The following DLGAP2 variants were observed in gnomAD, a reference collection of about 807,000 sequenced individuals.
DLGAP2 encodes disks large-associated protein 2.
DLGAP2 carries 26 observed loss-of-function variants against 100.3 expected under a neutral mutation model. The observed-to-expected ratio is 0.26, with a 90% CI of 0.19 to 0.36. DLGAP2 has a LOEUF of 0.36. Ranked by LOEUF, DLGAP2 falls within the 10% of genes least tolerant of loss-of-function variation. The pLI, the probability that DLGAP2 is intolerant of heterozygous loss-of-function variation, is 1.00. For missense variants in DLGAP2, 1,858 were observed against 1,453.2 expected, an observed-to-expected ratio of 1.28 and a Z score of -4.53; for synonymous variants, 886 against 630.1, an observed-to-expected ratio of 1.41 and a Z score of -6.08.
chr8:1,407,817 T>A (rs1418728682), intron 3 of DLGAP2, among the ~76,000 whole-genome samples: 21 of 149,720 alleles, frequency 1.4e-4, no homozygotes, highest in African/African-American at 5.1e-4. Flanking sequence ...ATTGAGTGCT[T>A]ACTGAGCGCC....
At chr8:877,977 C>G (rs1411653424) in intron 1 of DLGAP2, among the ~76,000 whole-genome samples, 1 of 152,178 alleles carries the variant, frequency 6.6e-6, no homozygotes, top group African/African-American at 2.4e-5. Context: ...GTACTTGTCT[C>G]CCTGAATTTT....
chr8:1,221,025 G>A (rs180953448), intron 2 of DLGAP2, among the ~76,000 whole-genome samples: 16 of 152,250 alleles, frequency 1.1e-4, no homozygotes, highest in Non-Finnish European at 1.5e-4. Context: ...TGAAGACAGC[G>A]TACAGTTGAG....
At chr8:1,656,754 C>T (rs1798294165) in intron 8 of DLGAP2, among the ~76,000 whole-genome samples, 1 of 152,196 alleles carries the variant, frequency 6.6e-6, no homozygotes, top group African/African-American at 2.4e-5. Flanking sequence ...ATGTGTGGCT[C>T]TCTCCATCCT....
intron 1 of DLGAP2, among the ~76,000 whole-genome samples, chr8:832,281 C>G (rs1796797845): frequency 6.6e-6 from 1 of 152,190 alleles, no homozygotes; most frequent in Non-Finnish European, 1.5e-5. Flanking sequence ...GTCATGACGT[C>G]CTTGCCCATG....
intron 2 of DLGAP2, among the ~76,000 whole-genome samples, chr8:1,222,294 G>A (rs549732619): frequency 7.4e-4 from 113 of 152,268 alleles, no homozygotes; most frequent in African/African-American, 2.7e-3. Flanking sequence ...GAGTTTGACT[G>A]TGGTATAAGC....
intron 2 of DLGAP2, among the ~76,000 whole-genome samples, chr8:1,091,275 C>A (rs1804172523): frequency 6.6e-6 from 1 of 152,204 alleles, no homozygotes. Context: ...GAAGGTGAGG[C>A]CTGTGAGGAT....
At chr8:1,551,211 G>A (rs766827233) in intron 5 of DLGAP2, among the ~76,000 whole-genome samples, 9 of 152,236 alleles carry the variant, frequency 5.9e-5, no homozygotes, top group South Asian at 2.1e-4. Context: ...TTTGTTTGCC[G>A]TCGGCAAACC....
At chr8:1,287,992 G>T (rs1449595383) in intron 3 of DLGAP2, among the ~76,000 whole-genome samples, 1 of 48,406 alleles carries the variant, frequency 2.1e-5, no homozygotes, top group Non-Finnish European at 3.7e-5. Flanking sequence ...TTGAGTGTGT[G>T]TGTGTTTGTG....
intron 2 of DLGAP2, among the ~76,000 whole-genome samples, chr8:949,559 C>G (rs759304583): frequency 1.9e-4 from 29 of 152,160 alleles, no homozygotes; most frequent in Admixed American, 7.2e-4. Context: ...GGGGCAGGAC[C>G]CCACACGTGG....
chr8:1,465,599 G>T (rs531506875), intron 3 of DLGAP2, among the ~76,000 whole-genome samples: 9 of 152,188 alleles, frequency 5.9e-5, no homozygotes, highest in Non-Finnish European at 1.0e-4. Flanking sequence ...GAACCTCCAC[G>T]GGTTCAGGTG....
At chr8:1,059,056 C>G (rs1460043483) in intron 2 of DLGAP2, among the ~76,000 whole-genome samples, 1 of 152,190 alleles carries the variant, frequency 6.6e-6, no homozygotes, top group Non-Finnish European at 1.5e-5. Context: ...TCCAGGGCTC[C>G]CCCCATGTGT....
At chr8:1,583,578 A>G (rs1796017947) in intron 6 of DLGAP2, among the ~76,000 whole-genome samples, 1 of 152,190 alleles carries the variant, frequency 6.6e-6, no homozygotes, top group South Asian at 2.1e-4. Context: ...TGCAGAATCC[A>G]TCTAGAAAGA....
intron 2 of DLGAP2, among the ~76,000 whole-genome samples, chr8:1,046,196 T>C (rs1261176553): frequency 3.9e-5 from 6 of 152,202 alleles, no homozygotes; most frequent in African/African-American, 1.4e-4. Context: ...ATCACTTTTA[T>C]TTTCCTACTG....
chr8:1,522,293 G>A (rs536038032), intron 4 of DLGAP2, among the ~76,000 whole-genome samples: 56 of 152,316 alleles, frequency 3.7e-4, no homozygotes, highest in African/African-American at 1.3e-3. Context: ...GTTTCTTCAA[G>A]CTGTGTCTTC....
chr8:1,486,763 C>T (rs1799245658), intron 3 of DLGAP2, among the ~76,000 whole-genome samples: 1 of 152,202 alleles, frequency 6.6e-6, no homozygotes, highest in South Asian at 2.1e-4. Context: ...AAATATACTG[C>T]CAGTGGAGCT....
intron 1 of DLGAP2, among the ~76,000 whole-genome samples, chr8:886,403 C>T (rs1319596192): frequency 1.3e-5 from 2 of 151,950 alleles, no homozygotes; most frequent in Non-Finnish European, 2.9e-5. Flanking sequence ...TATTTCTTGT[C>T]TTCTGCTAGC....
intron 13 of DLGAP2, 109 bp downstream of exon 13, chr8:1,691,735 G>T: frequency 1.0e-6 from 1 of 971,308 alleles, no homozygotes; most frequent in Non-Finnish European, 1.6e-6. Context: ...TCGGTATGCG[G>T]AATATCACGT....
chr8:803,316 A>G (rs1253180767), intron 1 of DLGAP2, among the ~76,000 whole-genome samples: 2 of 152,108 alleles, frequency 1.3e-5, no homozygotes, highest in Non-Finnish European at 2.9e-5. Context: ...ATTATAGTAT[A>G]TTCCTTATAT....
Position 1,269,093 on chromosome 8 carries a change from G to C in DLGAP2, c.106+10210G>C, listed in dbSNP as rs185782769. 5.6e-3 allele frequency among the ~76,000 whole-genome samples: 848 copies of C among 152,216 alleles called. 4 individuals are homozygous for C. Among genetic ancestry groups the C allele is most frequent in the Non-Finnish European group, 7.9e-3 (535 of 68,018 alleles). ...GAATTCATCAAGTCTAAATATTCTG[G>C]GCTCCTAAGCAACTGTACATTGGCT... On this transcript the variant is annotated intron_variant, in intron 3 of 14. Coordinates refer to ENST00000637795, the MANE Select transcript of DLGAP2 (RefSeq NM_001346810.2).
Sources: gnomAD v4.1 joint callset for allele counts (sites outside exome capture counted in the v4.1 genomes callset) on GRCh38, gnomAD v4.1.1 for gene constraint, MANE v1.5 for transcripts, NCBI Gene and HGNC (gene_info 2026-07-23, HGNC 2026-07-21) for gene names.